The following CEP112 variants were observed in gnomAD, a reference collection of about 807,000 sequenced individuals.
The protein encoded by CEP112 is centrosomal protein of 112 kDa.
In CEP112, 127 loss-of-function variants were observed where a neutral mutation model predicts 153.0. The observed-to-expected ratio is 0.83, with a 90% CI of 0.72 to 0.96. The LOEUF is 0.96. CEP112 is among the 40% of genes least tolerant of loss of function. CEP112 has a pLI of 0.00. For synonymous variants in CEP112, 358 were observed against 374.4 expected (o/e 0.96, Z 0.51); for missense variants, 1,089 against 1,101.2 (o/e 0.99, Z 0.16).
chr17:66,180,954 A>T (rs1021580537), intron 2 of CEP112, among the ~76,000 whole-genome samples: 1 of 152,192 alleles, frequency 6.6e-6, no homozygotes, highest in Non-Finnish European at 1.5e-5. Context: ...AAAATTATAT[A>T]ATCATAAAAT....
rs1344390790 is a variant in CEP112 at position 66,082,639 on chromosome 17, T to C, written c.769-12638A>G. Among the ~76,000 whole-genome samples, 3 of 152,084 alleles carry C rather than the reference T, an allele frequency of 2.0e-5. No homozygotes were observed. In the East Asian group the frequency reaches 5.8e-4, roughly 29 times the overall value. On this transcript the variant is annotated intron_variant, in intron 8 of 26. Coordinates refer to ENST00000535342, the MANE Select transcript of CEP112 (RefSeq NM_001199165.4). ...TTAGCCAGATGTCATGGCGTGTGCC[T>C]GTAATCCCAGCTACTTGGGAGGCTG...
chr17:66,180,221 C>T (rs2072662660), intron 2 of CEP112, among the ~76,000 whole-genome samples: 1 of 151,902 alleles, frequency 6.6e-6, no homozygotes, highest in Non-Finnish European at 1.5e-5. Flanking sequence ...TGAAAATATT[C>T]CTCCCTCCTC....
chr17:66,024,440 C>A (rs2065118604), intron 16 of CEP112, among the ~76,000 whole-genome samples: 2 of 152,010 alleles, frequency 1.3e-5, no homozygotes, highest in Admixed American at 1.3e-4. Flanking sequence ...CCCCCAAAAA[C>A]CTCTTAAATA....
chr17:65,860,750 T>G (rs1490966725), intron 20 of CEP112, among the ~76,000 whole-genome samples: 1 of 152,242 alleles, frequency 6.6e-6, no homozygotes, highest in Non-Finnish European at 1.5e-5. Context: ...ATTTCCATTT[T>G]TAGGTCTATA....
At chr17:65,821,713 G>A (rs1435897724) in intron 21 of CEP112, among the ~76,000 whole-genome samples, 1 of 150,068 alleles carries the variant, frequency 6.7e-6, no homozygotes, top group Non-Finnish European at 1.5e-5. Flanking sequence ...CACCACACCC[G>A]GCTAATTTTT....
At chr17:65,678,881 CAA>C (rs2047364323) in intron 24 of CEP112, among the ~76,000 whole-genome samples, 1 of 152,020 alleles carries the variant, frequency 6.6e-6, no homozygotes, top group Non-Finnish European at 1.5e-5. Context: ...AGGTTAAAAA[CAA>C]AGAGAATCTC....
At chr17:65,913,150 T>C (rs2060348729) in intron 19 of CEP112, among the ~76,000 whole-genome samples, 1 of 152,240 alleles carries the variant, frequency 6.6e-6, no homozygotes, top group Non-Finnish European at 1.5e-5. Context: ...TCTGCAAAAT[T>C]GCACACTTGA....
chr17:66,059,898 G>T (rs1296456743), intron 11 of CEP112, among the ~76,000 whole-genome samples: 2 of 152,112 alleles, frequency 1.3e-5, no homozygotes, highest in African/African-American at 4.8e-5. Context: ...AATCAACCTA[G>T]ATGTCCATCG....
At chr17:65,669,452 A>G (rs879693795) in intron 24 of CEP112, among the ~76,000 whole-genome samples, 1 of 152,218 alleles carries the variant, frequency 6.6e-6, no homozygotes, top group Non-Finnish European at 1.5e-5. Flanking sequence ...AATAAATGAG[A>G]CCTGAAGACA....
At chr17:66,037,436 G>A (rs189145611) in intron 12 of CEP112, among the ~76,000 whole-genome samples, 112 of 151,800 alleles carry the variant, frequency 7.4e-4, no homozygotes, top group African/African-American at 2.6e-3. Context: ...ATGTCACTGC[G>A]GTATTATGAC....
At chr17:66,179,610 A>G (rs1204986390) in intron 2 of CEP112, among the ~76,000 whole-genome samples, 1 of 152,120 alleles carries the variant, frequency 6.6e-6, no homozygotes, top group South Asian at 2.1e-4. Context: ...GGTATTTCCA[A>G]TATAAGATCA....
chr17:65,766,431 T>C (rs948797044), intron 21 of CEP112, among the ~76,000 whole-genome samples: 4 of 150,348 alleles, frequency 2.7e-5, no homozygotes, highest in African/African-American at 7.2e-5. Flanking sequence ...CCTAACACTA[T>C]AGAAGATCAC....
chr17:65,807,560 G>T (rs980225724), intron 21 of CEP112, among the ~76,000 whole-genome samples: 2 of 152,164 alleles, frequency 1.3e-5, no homozygotes, highest in Admixed American at 6.6e-5. Context: ...GGGAAAAATG[G>T]TTTTATGGGC....
At chr17:65,852,802 T>C (rs2058011006) in intron 20 of CEP112, among the ~76,000 whole-genome samples, 1 of 151,854 alleles carries the variant, frequency 6.6e-6, no homozygotes, top group African/African-American at 2.4e-5. Flanking sequence ...TTTCCTAAGG[T>C]TTATTTTGTA....
chr17:66,036,444 T>G (rs551048745), intron 12 of CEP112, among the ~76,000 whole-genome samples: 1 of 152,264 alleles, frequency 6.6e-6, no homozygotes, highest in East Asian at 1.9e-4. Flanking sequence ...CATGTAAAAT[T>G]CTTGCCCAAT....
Position 65,951,030 on chromosome 17 carries a change from T to C in CEP112, c.1872+10433A>G, listed in dbSNP as rs570272751. ...TTTCCCTTATTCTATTAATATGATATGTAACATTAATTGATTTCCTAATGT... is the reference window on the plus strand; with the variant it reads ...TTTCCCTTATTCTATTAATATGATACGTAACATTAATTGATTTCCTAATGT... On this transcript the variant is annotated intron_variant, in intron 18 of 26. Transcript: ENST00000535342. Among the ~76,000 whole-genome samples, 9 of 152,266 alleles carry C rather than the reference T, an allele frequency of 5.9e-5. No homozygotes were observed. The South Asian group carries it at 1.7e-3, about 28-fold the overall frequency.
intron 6 of CEP112, among the ~76,000 whole-genome samples, chr17:66,107,832 T>C (rs1455665753): frequency 6.6e-6 from 1 of 151,998 alleles, no homozygotes; most frequent in Non-Finnish European, 1.5e-5. Context: ...AGACTGAGAA[T>C]AGCCAAAGCT....
chr17:65,656,313 G>A (rs2046061801), intron 24 of CEP112, among the ~76,000 whole-genome samples: 1 of 152,232 alleles, frequency 6.6e-6, no homozygotes, highest in Non-Finnish European at 1.5e-5. Flanking sequence ...GAATTGAGAA[G>A]TGGAGAAAAA....
At chr17:66,074,020 C>T (rs2067394233) in intron 8 of CEP112, among the ~76,000 whole-genome samples, 1 of 152,040 alleles carries the variant, frequency 6.6e-6, no homozygotes, top group Non-Finnish European at 1.5e-5. Context: ...TACTTCAGCA[C>T]ACCACAGTTT....
Sources: gnomAD v4.1 joint callset for allele counts (sites outside exome capture counted in the v4.1 genomes callset) on GRCh38, gnomAD v4.1.1 for gene constraint, MANE v1.5 for transcripts, NCBI Gene and HGNC (gene_info 2026-07-23, HGNC 2026-07-21) for gene names.